The following DLGAP2 variants were observed in gnomAD, a reference collection of about 807,000 sequenced individuals.
DLGAP2 encodes DLG associated protein 2, also known as disks large-associated protein 2.
A neutral mutation model predicts 100.3 loss-of-function variants in DLGAP2; 26 were observed. The observed-to-expected ratio is 0.26, with a 90% CI of 0.19 to 0.36. The LOEUF (loss-of-function observed/expected upper bound fraction) is 0.36. Ranked by LOEUF, DLGAP2 falls within the 10% of genes least tolerant of loss-of-function variation. The pLI is 1.00. For missense variants in DLGAP2, 1,858 were observed against 1,453.2 expected (o/e 1.28, Z -4.53); for synonymous variants, 886 against 630.1 (o/e 1.41, Z -6.08).
chr8:1,137,573 C>G (rs1310510683), intron 2 of DLGAP2: 2 of 152,106 alleles, frequency 1.3e-5, no homozygotes, highest in African/African-American at 4.8e-5. Context: ...ATATTTGACT[C>G]AGAAAAAAAT....
intron 2 of DLGAP2, among the ~76,000 whole-genome samples, chr8:1,123,848 G>A (rs1796105150): frequency 6.6e-6 from 1 of 151,836 alleles, no homozygotes; most frequent in Non-Finnish European, 1.5e-5. Context: ...CTTTTCCTCA[G>A]TATTCTTTCC....
At chr8:1,293,026 T>A (rs903705198) in intron 3 of DLGAP2, among the ~76,000 whole-genome samples, 1 of 152,178 alleles carries the variant, frequency 6.6e-6, no homozygotes, top group Non-Finnish European at 1.5e-5. Flanking sequence ...GACAGGTGCT[T>A]ATCCAGGCCT....
intron 3 of DLGAP2, among the ~76,000 whole-genome samples, chr8:1,317,521 T>C (rs1800786544): frequency 7.1e-6 from 1 of 140,864 alleles, no homozygotes; most frequent in Non-Finnish European, 1.5e-5. Context: ...CGTTTAAAAA[T>C]AGAGGCTGTG....
At chr8:1,341,088 G>A (rs912083420) in intron 3 of DLGAP2, among the ~76,000 whole-genome samples, 13 of 152,106 alleles carry the variant, frequency 8.5e-5, no homozygotes, top group Admixed American at 8.5e-4. Flanking sequence ...GTGGGAGGAG[G>A]AGGGTGGGAG....
At chr8:1,180,588 CTGTCGAG>C (rs1186398062) in intron 2 of DLGAP2, among the ~76,000 whole-genome samples, 6 of 143,280 alleles carry the variant, frequency 4.2e-5, no homozygotes, top group East Asian at 2.2e-4. Context: ...TGGCAGCACA[CTGTCGAG>C]TGTGTGTGGG....
intron 2 of DLGAP2, among the ~76,000 whole-genome samples, chr8:1,044,427 A>G (rs145023506): frequency 8.9e-4 from 135 of 152,272 alleles, no homozygotes; most frequent in Non-Finnish European, 1.7e-3. Flanking sequence ...CTGGAGGGCC[A>G]CAGACAGCTG....
Position 1,638,835 on chromosome 8 carries a change from C to T in DLGAP2, c.1810+5789C>T, listed in dbSNP as rs577995089. Among the ~76,000 whole-genome samples, 33 of 152,320 alleles carry T rather than the reference C, an allele frequency of 2.2e-4. No homozygotes were observed. The South Asian group carries it at 6.2e-3, about 29-fold the overall frequency. Reference sequence around the variant, plus strand: ...AATGATGGCTCCATTTAGGGACAGACGCAGAGAAGGCAGCGGATGCATGCA... The same window carrying T: ...AATGATGGCTCCATTTAGGGACAGATGCAGAGAAGGCAGCGGATGCATGCA... On this transcript the variant is annotated intron_variant, in intron 8 of 14. Coordinates refer to ENST00000637795, the MANE Select transcript of DLGAP2 (RefSeq NM_001346810.2).
At chr8:913,179 T>C (rs1260868467) in intron 2 of DLGAP2, among the ~76,000 whole-genome samples, 1 of 152,234 alleles carries the variant, frequency 6.6e-6, no homozygotes, top group African/African-American at 2.4e-5. Context: ...AATTATACTT[T>C]ATTAATGTTT....
chr8:1,445,808 T>A (rs1797970608), intron 3 of DLGAP2, among the ~76,000 whole-genome samples: 1 of 152,238 alleles, frequency 6.6e-6, no homozygotes, highest in Non-Finnish European at 1.5e-5. Flanking sequence ...GGTATCTCAC[T>A]GTGGTTTTGA....
intron 2 of DLGAP2, among the ~76,000 whole-genome samples, chr8:1,162,795 C>A (rs575398773): frequency 2.6e-5 from 4 of 152,340 alleles, no homozygotes; most frequent in Non-Finnish European, 4.4e-5. Context: ...GGCGCTGTGG[C>A]CGCCAAACGG....
intron 3 of DLGAP2, among the ~76,000 whole-genome samples, chr8:1,277,301 G>C (rs1219209414): frequency 6.6e-6 from 1 of 152,104 alleles, no homozygotes; most frequent in Non-Finnish European, 1.5e-5. Flanking sequence ...CAGTTATTTG[G>C]TAACTGTATT....
At chr8:1,308,877 C>T (rs1339612090) in intron 3 of DLGAP2, among the ~76,000 whole-genome samples, 1 of 152,002 alleles carries the variant, frequency 6.6e-6, no homozygotes, top group Non-Finnish European at 1.5e-5. Context: ...CTAAAGAACA[C>T]TGGGAAACAA....
intron 2 of DLGAP2, among the ~76,000 whole-genome samples, chr8:1,012,507 G>A (rs955858604): frequency 2.0e-5 from 3 of 148,404 alleles, no homozygotes; most frequent in East Asian, 4.0e-4. Context: ...CCACTTCAGC[G>A]GCAGTGTGGA....
chr8:1,455,775 GC>G (rs1443925188), intron 3 of DLGAP2, among the ~76,000 whole-genome samples: 2 of 152,188 alleles, frequency 1.3e-5, no homozygotes, highest in Admixed American at 1.3e-4. Context: ...GCTGCATCAT[GC>G]CACTGAGTGA....
At chr8:1,200,398 A>G (rs904719100) in intron 2 of DLGAP2, among the ~76,000 whole-genome samples, 14 of 152,178 alleles carry the variant, frequency 9.2e-5, no homozygotes, top group Non-Finnish European at 8.8e-5. Context: ...TATTTCCTCA[A>G]GGACAGTCAC....
At chr8:1,413,619 A>G (rs750259659) in intron 3 of DLGAP2, among the ~76,000 whole-genome samples, 2 of 152,258 alleles carry the variant, frequency 1.3e-5, no homozygotes, top group East Asian at 1.9e-4. Context: ...CCTTCTCTGG[A>G]TGGAGGAATA....
At chr8:1,312,638 C>T (rs911326697) in intron 3 of DLGAP2, among the ~76,000 whole-genome samples, 3 of 152,290 alleles carry the variant, frequency 2.0e-5, no homozygotes, top group South Asian at 4.1e-4. Flanking sequence ...CATAATTACA[C>T]ACTTAAAATG....
chr8:1,295,140 G>A (rs532466834), intron 3 of DLGAP2, among the ~76,000 whole-genome samples: 11 of 152,222 alleles, frequency 7.2e-5, no homozygotes, highest in African/African-American at 1.7e-4. Context: ...TCTCAAACTC[G>A]TCTCCTTGGG....
intron 2 of DLGAP2, among the ~76,000 whole-genome samples, chr8:1,249,204 A>G (rs558791340): frequency 1.3e-5 from 2 of 152,232 alleles, no homozygotes; most frequent in East Asian, 1.9e-4. Context: ...CAAGAACTCC[A>G]CAGGCTCAGA....
Sources: gnomAD v4.1 joint callset for allele counts (sites outside exome capture counted in the v4.1 genomes callset) on GRCh38, gnomAD v4.1.1 for gene constraint, MANE v1.5 for transcripts, NCBI Gene and HGNC (gene_info 2026-07-23, HGNC 2026-07-21) for gene names.